Variants in TRDN observed in about 807,000 individuals in gnomAD.
TRDN encodes triadin.
TRDN carries 161 observed loss-of-function variants against 149.7 expected under a neutral mutation model. The observed-to-expected ratio is 1.08, with a 90% CI of 0.95 to 1.23. TRDN has a LOEUF of 1.23. Among genes scored for constraint, TRDN ranks in the 50% most tolerant of loss-of-function variants. The pLI is 0.00. For synonymous variants in TRDN, 294 were observed against 250.5 expected, an observed-to-expected ratio of 1.17 and a Z score of -1.64; for missense variants, 896 against 823.5, an observed-to-expected ratio of 1.09 and a Z score of -1.08.
intron 30 of TRDN, among the ~76,000 whole-genome samples, chr6:123,270,100 G>C (rs1184937572): frequency 6.6e-6 from 1 of 151,938 alleles, no homozygotes; most frequent in Non-Finnish European, 1.5e-5. Flanking sequence ...CTATATATTT[G>C]AGTCACAAAT....
chr6:123,541,783 C>T (rs569142495), intron 4 of TRDN, among the ~76,000 whole-genome samples: 4 of 152,156 alleles, frequency 2.6e-5, no homozygotes, highest in African/African-American at 9.6e-5. Context: ...TTCCATTCTC[C>T]TTCCTTTTTT....
In TRDN at chr6:123,529,462, A is replaced by G. The variant is rs1254482291; in HGVS notation, c.484+1044T>C. 2.8e-6 allele frequency: 3 copies of G among 1,052,870 alleles called. No homozygotes were observed. In the African/African-American group the frequency reaches 4.7e-5, roughly 17 times the overall value. 65.2% of individuals were successfully genotyped at this position (1,052,870 alleles called of 1,614,324 possible). On this transcript the variant is annotated intron_variant, in intron 5 of 40. Transcript: ENST00000334268. The stretch of plus-strand genomic sequence containing the variant: ...GAATTCAAACATTAGGATTAAAGAC[A>G]TAATATCTGTAGAATGATTTGAGCC...
chr6:123,542,850 G>T (rs1780913452), intron 4 of TRDN, among the ~76,000 whole-genome samples: 1 of 132,920 alleles, frequency 7.5e-6, no homozygotes, highest in African/African-American at 3.2e-5. Context: ...CTGAGTGTGT[G>T]CATGTTTGCG....
At chr6:123,383,866 A>G (rs1354754108) in intron 14 of TRDN, among the ~76,000 whole-genome samples, 1 of 152,092 alleles carries the variant, frequency 6.6e-6, no homozygotes, top group South Asian at 2.1e-4. Context: ...TAAGGGGAAA[A>G]AACTCTTGAT....
rs537678289 is a variant in TRDN at position 123,561,413 on chromosome 6, TC to T, written c.232+9509del. 1.8e-3 allele frequency among the ~76,000 whole-genome samples: 271 copies of T among 152,234 alleles called. 1 individual carries two copies. Among genetic ancestry groups the T allele is most frequent in the African/African-American group, 6.0e-3 (250 of 41,550 alleles). On this transcript the variant is annotated intron_variant, in intron 2 of 40. Coordinates refer to ENST00000334268, the MANE Select transcript of TRDN (RefSeq NM_006073.4). ...CCTTCTCAGCATTCAGGCGGGTCTG[TC>T]CTCGGAATGCTACAGGGTACAGCCC... is the stretch of plus-strand genomic sequence containing the variant.
chr6:123,602,100 T>A (rs2114651616), intron 1 of TRDN, among the ~76,000 whole-genome samples: 1 of 152,248 alleles, frequency 6.6e-6, no homozygotes, highest in African/African-American at 2.4e-5. Flanking sequence ...CCTGCTCTCA[T>A]GACGTTTACA....
intron 38 of TRDN, among the ~76,000 whole-genome samples, chr6:123,244,552 A>T (rs764643197): frequency 6.6e-6 from 1 of 152,306 alleles, no homozygotes; most frequent in East Asian, 1.9e-4. Context: ...AGAAAAAAAG[A>T]ATAAAGAAGA....
At chr6:123,258,757 G>C (rs142414057) in intron 35 of TRDN, among the ~76,000 whole-genome samples, 2 of 152,020 alleles carry the variant, frequency 1.3e-5, no homozygotes, top group Non-Finnish European at 2.9e-5. Flanking sequence ...CTGTGAATCC[G>C]TCTGGTCCTG....
intron 24 of TRDN, among the ~76,000 whole-genome samples, chr6:123,315,257 C>A (rs2114697150): frequency 6.6e-6 from 1 of 151,974 alleles, no homozygotes; most frequent in East Asian, 1.9e-4. Context: ...GAAGATATAT[C>A]TAAAGTTTAT....
At chr6:123,535,915 C>A (rs1307253376) in intron 4 of TRDN, among the ~76,000 whole-genome samples, 1 of 151,970 alleles carries the variant, frequency 6.6e-6, no homozygotes, top group East Asian at 1.9e-4. Context: ...ATTAAAAGAT[C>A]TATACAAAAA....
intron 24 of TRDN, among the ~76,000 whole-genome samples, chr6:123,298,758 G>A (rs1431129887): frequency 1.3e-5 from 2 of 151,818 alleles, no homozygotes; most frequent in Non-Finnish European, 2.9e-5. Flanking sequence ...TATTGGGGAG[G>A]GAGTTGCAAA....
intron 1 of TRDN, among the ~76,000 whole-genome samples, chr6:123,616,058 T>C (rs909039438): frequency 2.0e-5 from 3 of 152,102 alleles, no homozygotes; most frequent in African/African-American, 7.2e-5. Flanking sequence ...AAAAAAGACC[T>C]ATAAAAATTA....
At chr6:123,221,907 C>A (rs1193455366) in intron 39 of TRDN, among the ~76,000 whole-genome samples, 1 of 151,590 alleles carries the variant, frequency 6.6e-6, no homozygotes, top group Non-Finnish European at 1.5e-5. Context: ...ACATTTTAGT[C>A]AAAATAATCC....
In TRDN at chr6:123,548,461, A is replaced by G. The variant is rs2114436256; in HGVS notation, c.384T>C (p.Thr128=). 3 of 1,562,576 alleles carry G rather than the reference A, an allele frequency of 1.9e-6. No individual in the cohort carries two copies. The highest frequency in any genetic ancestry group is 1.2e-5 in the South Asian group (1 of 81,550). The change falls in exon 3 of 41, where the codon ACT becomes ACC. Residue 128 remains threonine (T), a synonymous_variant. Transcript: ENST00000334268. The part of the protein sequence containing the change: ...DEEDDDGDED[T]DKGEIDEPPL... ...TCTCTATGTTCTTTGTACCTTTATCAGTATCTTCGTCACCATCATCATCTT... is the reference window on the plus strand; with the variant it reads ...TCTCTATGTTCTTTGTACCTTTATCGGTATCTTCGTCACCATCATCATCTT...
intron 4 of TRDN, among the ~76,000 whole-genome samples, chr6:123,531,122 T>C (rs950967526): frequency 6.6e-6 from 1 of 152,148 alleles, no homozygotes. Context: ...GTACTTTTTT[T>C]CTAAACATCA....
chr6:123,235,755 T>C (rs1292707963), intron 38 of TRDN, among the ~76,000 whole-genome samples: 2 of 152,214 alleles, frequency 1.3e-5, no homozygotes, highest in African/African-American at 4.8e-5. Flanking sequence ...GAGCAACTAC[T>C]GAGCTGTAAC....
intron 29 of TRDN, among the ~76,000 whole-genome samples, chr6:123,271,396 ATAG>A (rs1777202272): frequency 2.0e-5 from 3 of 152,000 alleles, no homozygotes; most frequent in Admixed American, 1.3e-4. Flanking sequence ...CTATCTTGCT[ATAG>A]AAGTTTTCCT....
intron 12 of TRDN, among the ~76,000 whole-genome samples, chr6:123,398,742 T>G (rs889968840): frequency 2.0e-5 from 3 of 152,212 alleles, no homozygotes; most frequent in Admixed American, 6.5e-5. Context: ...AAATTAATCA[T>G]GAAGCAGCCT....
chr6:123,516,359 TCAAGATAATTA>T (rs1346007046), intron 5 of TRDN, among the ~76,000 whole-genome samples, 153 bp from the exon 6 acceptor site: 1 of 152,138 alleles, frequency 6.6e-6, no homozygotes, highest in African/African-American at 2.4e-5. Flanking sequence ...GGTTTAAACT[TCAAGATAATTA>T]CAGATTTATT....
Sources: gnomAD v4.1 joint callset for allele counts (sites outside exome capture counted in the v4.1 genomes callset) on GRCh38, gnomAD v4.1.1 for gene constraint, MANE v1.5 for transcripts, NCBI Gene and HGNC (gene_info 2026-07-23, HGNC 2026-07-21) for gene names.